Variants in ASAP1 observed in about 807,000 individuals in gnomAD.
The protein encoded by ASAP1 is arf-GAP with SH3 domain, ANK repeat and PH domain-containing protein 1.
Under a neutral mutation model 145.2 loss-of-function variants are expected in ASAP1, and 43 were observed. The ratio of observed to expected loss-of-function variants is 0.30; its 90% CI spans 0.23 to 0.38. ASAP1 has a LOEUF of 0.38. ASAP1 is among the 10% of genes least tolerant of loss of function. The probability of loss-of-function intolerance (pLI) is 1.00; values close to 1 mark genes in which losing one functional copy is unlikely to be tolerated. For synonymous variants in ASAP1, 546 were observed against 515.5 expected, an observed-to-expected ratio of 1.06 and a Z score of -0.80; for missense variants, 1,018 against 1,355.3, an observed-to-expected ratio of 0.75 and a Z score of 3.91.
intron 25 of ASAP1, chr8:130,084,757 A>G (rs1019312982): frequency 2.0e-5 from 3 of 152,218 alleles, no homozygotes; most frequent in Non-Finnish European, 1.5e-5. Flanking sequence ...ACTTCCAATA[A>G]GTAGATATGT....
intron 1 of ASAP1, among the ~76,000 whole-genome samples, chr8:130,423,952 T>C (rs1182838932): frequency 6.6e-6 from 1 of 152,158 alleles, no homozygotes; most frequent in East Asian, 1.9e-4. Flanking sequence ...GATGGAGTTT[T>C]TTTTGAAGGG....
intron 3 of ASAP1, among the ~76,000 whole-genome samples, chr8:130,306,772 G>A (rs935726247): frequency 8.5e-5 from 13 of 152,172 alleles, no homozygotes; most frequent in East Asian, 3.8e-4. Context: ...CACAATGCTC[G>A]GACCATGTAA....
chr8:130,225,117 C>A (rs1817515533), intron 4 of ASAP1, among the ~76,000 whole-genome samples: 1 of 152,094 alleles, frequency 6.6e-6, no homozygotes, highest in Non-Finnish European at 1.5e-5. Flanking sequence ...ACATATTTAG[C>A]CCTGTTTTCC....
chr8:130,072,142 C>T (rs2097447975), intron 27 of ASAP1, among the ~76,000 whole-genome samples: 1 of 152,174 alleles, frequency 6.6e-6, no homozygotes, highest in African/African-American at 2.4e-5. Flanking sequence ...CATAAAAAGC[C>T]AAGAGGACAG....
Position 130,321,180 on chromosome 8 carries a change from A to C in ASAP1, c.186+36837T>G, listed in dbSNP as rs182252963. 3.0e-3 allele frequency among the ~76,000 whole-genome samples: 460 copies of C among 152,260 alleles called. 1 individual carries two copies. The highest frequency in any genetic ancestry group is 6.8e-3 in the Middle Eastern group (2 of 294). ...GGCTGTCAATCTCCTGCCCCCAAAA[A>C]AACATGGATTATAGTGAATAAGCCC... On this transcript the variant is annotated intron_variant, in intron 3 of 29. Coordinates refer to ENST00000518721, the MANE Select transcript of ASAP1 (RefSeq NM_018482.4).
At position 130,112,139 on chromosome 8, in the gene ASAP1, G is replaced by A; in HGVS notation, c.2356C>T (p.Pro786Ser). The A allele has an allele frequency of 6.2e-7, 1 of 1,614,130 alleles. No homozygotes were observed. The change falls in exon 24 of 30, where the codon CCA becomes TCA. Residue 786 changes from proline (P) to serine (S), a missense_variant. Around this residue, in one of 9 missense-constraint regions of ASAP1, gnomAD observed 353 missense variants for 375.4 expected, o/e 0.94. Transcript: ENST00000518721. ...GGCAGAGGGGGAGCCTCCGTGGTTG[G>A]TGATGTGGGCGAGTCTGTGCTTGTG... ...VSTSTDSPTS[P>S]TTEAPPLPPR...
intron 29 of ASAP1, among the ~76,000 whole-genome samples, chr8:130,057,496 T>A (rs1267698712): frequency 6.6e-6 from 1 of 152,172 alleles, no homozygotes; most frequent in Non-Finnish European, 1.5e-5. Flanking sequence ...TTGCCCAGGC[T>A]GGAGTGTAGT....
chr8:130,154,167 A>C (rs1457250979), intron 12 of ASAP1, among the ~76,000 whole-genome samples: 1 of 152,184 alleles, frequency 6.6e-6, no homozygotes, highest in Non-Finnish European at 1.5e-5. Context: ...TAACTCATAC[A>C]CCACCCCTTT....
Position 130,443,461 on chromosome 8 carries a change from G to C in ASAP1, c.-29C>G, listed in dbSNP as rs2138862237. On this transcript the variant is annotated splice_region_variant and 5_prime_UTR_variant, in exon 1 of 30. Transcript: ENST00000518721. The stretch of plus-strand genomic sequence containing the variant: ...GCGCCCGAGCGCCCCGCAACTCACC[G>C]GGACCTGGCGGGCCGCTGGGCATTA... The C allele has an allele frequency of 6.6e-6, 1 of 151,010 alleles. No homozygotes were observed. The highest frequency in any genetic ancestry group is 2.1e-4 in the South Asian group (1 of 4,832). The allele number at this position is 151,010 out of a possible 1,614,324, so 9.4% of individuals were successfully genotyped here.
At chr8:130,182,396 T>C (rs528341643) in intron 7 of ASAP1, among the ~76,000 whole-genome samples, 5 of 152,284 alleles carry the variant, frequency 3.3e-5, no homozygotes, top group Admixed American at 2.6e-4. Flanking sequence ...AACTATAGGG[T>C]TCTCTGTCTC....
At chr8:130,260,785 G>A (rs1352581146) in intron 3 of ASAP1, among the ~76,000 whole-genome samples, 2 of 152,286 alleles carry the variant, frequency 1.3e-5, no homozygotes, top group Non-Finnish European at 2.9e-5. Context: ...GTACACTACA[G>A]TATAAACAAA....
intron 5 of ASAP1, among the ~76,000 whole-genome samples, chr8:130,213,309 C>T (rs934785159): frequency 6.6e-6 from 1 of 152,110 alleles, no homozygotes; most frequent in Non-Finnish European, 1.5e-5. Flanking sequence ...GCATACATCG[C>T]CAATTAGAAA....
rs1554816409 is a variant in ASAP1 at position 130,072,825 on chromosome 8, G to GCGCGCGCGCGCGCA, written c.2701+3522_2701+3523insTGCGCGCGCGCGCG. On this transcript the variant is annotated intron_variant, in intron 27 of 29. Coordinates refer to ENST00000518721, the MANE Select transcript of ASAP1 (RefSeq NM_018482.4). ...TGTGTGTGTGTGTGTGTGTGTGTGT[G>GCGCGCGCGCGCGCA]CGCGCGGGGGGGGGCAGTTTTGGGG... 1.3e-3 allele frequency among the ~76,000 whole-genome samples: 69 copies of GCGCGCGCGCGCGCA among 54,112 alleles called. 2 individuals are homozygous for GCGCGCGCGCGCGCA. The highest frequency in any genetic ancestry group is 2.0e-3 in the East Asian group (5 of 2,486). 35.5% of individuals were successfully genotyped at this position (54,112 alleles called of 152,430 possible).
intron 2 of ASAP1, among the ~76,000 whole-genome samples, chr8:130,367,099 C>T (rs985637169): frequency 1.3e-5 from 2 of 151,690 alleles, no homozygotes; most frequent in African/African-American, 2.4e-5. Context: ...ACCATGCTGG[C>T]CAGGATGGTC....
intron 13 of ASAP1, among the ~76,000 whole-genome samples, chr8:130,147,975 C>A (rs2097636498): frequency 6.6e-6 from 1 of 152,220 alleles, no homozygotes; most frequent in African/African-American, 2.4e-5. Flanking sequence ...CTGAAGACAT[C>A]TGAAAGATGT....
intron 1 of ASAP1, among the ~76,000 whole-genome samples, chr8:130,405,432 A>T (rs1313886483): frequency 6.6e-6 from 1 of 152,222 alleles, no homozygotes; most frequent in Non-Finnish European, 1.5e-5. Flanking sequence ...TGAGTCTGTG[A>T]TGTACCAACC....
chr8:130,247,526 T>TA (rs36050520), intron 3 of ASAP1, among the ~76,000 whole-genome samples: 43,807 of 150,636 alleles, frequency 0.29, 6,369 homozygotes, highest in Admixed American at 0.31. Flanking sequence ...GGAGGACCCT[T>TA]AAAAAAAAAC....
At chr8:130,390,941 C>CA (rs1001742297) in intron 2 of ASAP1, among the ~76,000 whole-genome samples, 3 of 122,042 alleles carry the variant, frequency 2.5e-5, no homozygotes, top group African/African-American at 8.1e-5. Context: ...TATCCCCCGC[C>CA]CCCCCAAAAT....
At chr8:130,085,031 T>C (rs558325845) in intron 25 of ASAP1, among the ~76,000 whole-genome samples, 1 of 152,306 alleles carries the variant, frequency 6.6e-6, no homozygotes, top group South Asian at 2.1e-4. Flanking sequence ...CAGGGATTGG[T>C]AGAACCTGGA....
Sources: gnomAD v4.1 joint callset for allele counts (sites outside exome capture counted in the v4.1 genomes callset) on GRCh38, gnomAD v4.1.1 for gene constraint, gnomAD v4.1.1 regional missense constraint, MANE v1.5 for transcripts, NCBI Gene and HGNC (gene_info 2026-07-23, HGNC 2026-07-21) for gene names.